Variants in LRMDA observed in about 807,000 individuals in gnomAD.
LRMDA encodes the protein leucine-rich melanocyte differentiation-associated protein.
Under a neutral mutation model 29.8 loss-of-function variants are expected in LRMDA, and 18 were observed. That is an observed-to-expected ratio of 0.60 (90% confidence interval 0.42 to 0.90). The LOEUF (loss-of-function observed/expected upper bound fraction) is 0.90. Among genes scored for constraint, LRMDA ranks in the 40% least tolerant of loss-of-function variants. The pLI is 0.00. For synonymous variants in LRMDA, 125 were observed against 109.4 expected, an observed-to-expected ratio of 1.14 and a Z score of -0.89; for missense variants, 273 against 273.9, an observed-to-expected ratio of 1.00 and a Z score of 0.02.
At chr10:76,174,889 G>C (rs1850904687) in intron 5 of LRMDA, among the ~76,000 whole-genome samples, 1 of 121,898 alleles carries the variant, frequency 8.2e-6, no homozygotes, top group South Asian at 2.6e-4. Flanking sequence ...CTAGGCCGAG[G>C]CAGGGGGGAT....
intron 2 of LRMDA, among the ~76,000 whole-genome samples, chr10:75,852,554 CA>C (rs1261791188): frequency 1.3e-5 from 2 of 151,170 alleles, no homozygotes; most frequent in African/African-American, 4.9e-5. Context: ...AAAAAAACAA[CA>C]AAAAAATAGT....
In LRMDA at chr10:76,378,540, T is replaced by C. The variant is rs1841548829; in HGVS notation, c.601+54055T>C. ...TTTGTTGTATATGTCTTTTATTATT[T>C]TGAGGTATGTTCCTTCTATTTCTAG... On this transcript the variant is annotated intron_variant, in intron 6 of 6. Coordinates refer to ENST00000611255, the MANE Select transcript of LRMDA (RefSeq NM_001305581.2). Among the ~76,000 whole-genome samples the C allele has an allele frequency of 2.6e-5, 4 of 152,316 alleles. No homozygotes were observed. In the South Asian group the frequency reaches 6.2e-4, roughly 24 times the overall value.
intron 2 of LRMDA, among the ~76,000 whole-genome samples, chr10:75,969,788 A>G (rs556361161): frequency 6.6e-6 from 1 of 152,324 alleles, no homozygotes; most frequent in South Asian, 2.1e-4. Flanking sequence ...TCTTGAGGAA[A>G]TTGAGCTCTG....
chr10:75,492,315 G>A lies in LRMDA; in HGVS notation c.131+53821G>A, dbSNP rs116673247. On this transcript the variant is annotated intron_variant, in intron 2 of 6. Transcript: ENST00000611255. The stretch of plus-strand genomic sequence containing the variant: ...CAACAGAAAGAATCTTACATCTTGC[G>A]GTTTTGCTCTGACCCCACCTCTTGG... 5.6e-3 allele frequency among the ~76,000 whole-genome samples: 851 copies of A among 152,220 alleles called. 5 individuals are homozygous for A. The highest frequency in any genetic ancestry group is 0.02 in the African/African-American group (821 of 41,532).
At chr10:76,351,411 T>C (rs936052698) in intron 6 of LRMDA, among the ~76,000 whole-genome samples, 2 of 152,164 alleles carry the variant, frequency 1.3e-5, no homozygotes, top group African/African-American at 4.8e-5. Flanking sequence ...GTAAATTGGG[T>C]CAGACCAGGA....
intron 2 of LRMDA, among the ~76,000 whole-genome samples, chr10:75,662,390 C>A (rs944091456): frequency 6.6e-6 from 1 of 152,054 alleles, no homozygotes; most frequent in Non-Finnish European, 1.5e-5. Flanking sequence ...GAAAGCGACA[C>A]GGAAACACAT....
chr10:75,758,666 G>A (rs1843061144), intron 2 of LRMDA, among the ~76,000 whole-genome samples: 1 of 152,210 alleles, frequency 6.6e-6, no homozygotes, highest in Admixed American at 6.5e-5. Context: ...GTAGAGTTTT[G>A]TGAGTGTAGT....
chr10:75,782,374 A>C (rs1399310042), intron 2 of LRMDA, among the ~76,000 whole-genome samples: 1 of 152,122 alleles, frequency 6.6e-6, no homozygotes, highest in African/African-American at 2.4e-5. Context: ...AAATAAGTTC[A>C]GTTTGTCTTT....
intron 2 of LRMDA, among the ~76,000 whole-genome samples, chr10:75,844,663 G>C (rs1844602101): frequency 6.6e-6 from 1 of 152,124 alleles, no homozygotes; most frequent in African/African-American, 2.4e-5. Flanking sequence ...AACATGTCAA[G>C]ACCCCTTAGG....
chr10:75,944,092 T>C (rs1846439255), intron 2 of LRMDA, among the ~76,000 whole-genome samples: 1 of 152,220 alleles, frequency 6.6e-6, no homozygotes, highest in East Asian at 1.9e-4. Context: ...TTTTTTCTTT[T>C]ATCAGCTTTC....
At chr10:75,763,323 A>C (rs2132229154) in intron 2 of LRMDA, among the ~76,000 whole-genome samples, 1 of 152,242 alleles carries the variant, frequency 6.6e-6, no homozygotes, top group East Asian at 1.9e-4. Flanking sequence ...ATAGAACTAC[A>C]GGTATAATAA....
chr10:75,488,008 CAT>C (rs1355778563), intron 2 of LRMDA, among the ~76,000 whole-genome samples: 4 of 152,310 alleles, frequency 2.6e-5, no homozygotes, highest in African/African-American at 4.8e-5. Flanking sequence ...TGTATCAACT[CAT>C]GTGTCAGTTG....
chr10:75,965,501 A>G (rs2132433178), intron 2 of LRMDA, among the ~76,000 whole-genome samples: 1 of 152,252 alleles, frequency 6.6e-6, no homozygotes, highest in Non-Finnish European at 1.5e-5. Context: ...AACTTTGTAA[A>G]TGAGGTATGC....
chr10:76,454,923 A>G (rs934425446), intron 6 of LRMDA, among the ~76,000 whole-genome samples: 1 of 152,172 alleles, frequency 6.6e-6, no homozygotes, highest in African/African-American at 2.4e-5. Flanking sequence ...GACTGGGGCC[A>G]AGTTGTATTT....
At chr10:75,973,968 C>G (rs1334343170) in intron 2 of LRMDA, among the ~76,000 whole-genome samples, 1 of 152,104 alleles carries the variant, frequency 6.6e-6, no homozygotes, top group Non-Finnish European at 1.5e-5. Context: ...GCCAAACTTA[C>G]CTATTGGTCT....
chr10:75,440,658 A>G (rs902868095), intron 2 of LRMDA, among the ~76,000 whole-genome samples: 2 of 152,130 alleles, frequency 1.3e-5, no homozygotes, highest in African/African-American at 4.8e-5. Context: ...ATTCGAGCTT[A>G]TTTGGGCACT....
intron 1 of LRMDA, among the ~76,000 whole-genome samples, chr10:75,436,419 C>T (rs748304940): frequency 8.6e-5 from 13 of 151,538 alleles, no homozygotes; most frequent in Non-Finnish European, 1.3e-4. Context: ...TTCTGGTGAG[C>T]GCCATGGACC....
intron 2 of LRMDA, among the ~76,000 whole-genome samples, chr10:75,559,195 T>A (rs1178674192): frequency 1.3e-5 from 2 of 152,186 alleles, no homozygotes; most frequent in Admixed American, 6.5e-5. Flanking sequence ...CAGCACCTGT[T>A]GTTTCCTGAC....
chr10:76,445,040 C>T (rs577865963), intron 6 of LRMDA, among the ~76,000 whole-genome samples: 19 of 151,952 alleles, frequency 1.3e-4, no homozygotes, highest in South Asian at 4.2e-4. Context: ...GGACAAAGCG[C>T]GGTGCAAAGC....
Sources: allele counts gnomAD v4.1 joint callset (sites outside exome capture counted in the v4.1 genomes callset), GRCh38; gene constraint gnomAD v4.1.1; transcripts MANE v1.5; gene names NCBI Gene and HGNC (gene_info 2026-07-23, HGNC 2026-07-21).